Variants in RNF17 observed in about 807,000 individuals in gnomAD.
RNF17 encodes the protein spermatogenesis associated 23.
A neutral mutation model predicts 200.5 loss-of-function variants in RNF17; 31 were observed. The observed-to-expected ratio is 0.15, with a 90% CI of 0.12 to 0.21. RNF17 has a LOEUF of 0.21. Ranked by LOEUF, RNF17 falls within the 10% of genes least tolerant of loss-of-function variation. The pLI, the probability that RNF17 is intolerant of heterozygous loss-of-function variation, is 1.00. For synonymous variants in RNF17, 606 were observed against 637.8 expected (o/e 0.95, Z 0.75); for missense variants, 1,628 against 1,905.1 (o/e 0.85, Z 2.71).
chr13:24,764,732 A>C (rs911793457), intron 1 of RNF17, among the ~76,000 whole-genome samples: 18 of 152,366 alleles, frequency 1.2e-4, no homozygotes, highest in African/African-American at 4.3e-4. Context: ...TTGTAGGAGT[A>C]ACAAGTAGAC....
At chr13:24,869,150 A>T (rs1175182286) in intron 31 of RNF17, among the ~76,000 whole-genome samples, 2 of 152,202 alleles carry the variant, frequency 1.3e-5, no homozygotes, top group Admixed American at 1.3e-4. Context: ...CAGAACCTAG[A>T]ATAGTGCCTG....
At chr13:24,815,418 G>A (rs2137870434) in intron 15 of RNF17, among the ~76,000 whole-genome samples, 1 of 147,572 alleles carries the variant, frequency 6.8e-6, no homozygotes, top group African/African-American at 2.5e-5. Context: ...TAATTTGGTA[G>A]CCCTAACGGG....
chr13:24,790,124 A>T (rs1360955719), intron 9 of RNF17, among the ~76,000 whole-genome samples: 1 of 152,184 alleles, frequency 6.6e-6, no homozygotes, highest in Non-Finnish European at 1.5e-5. Flanking sequence ...TGTATGCAGA[A>T]TTTACTTGAG....
In RNF17 at chr13:24,844,959, A is replaced by C; in HGVS notation, c.2983-2A>C. On this transcript the variant is annotated splice_acceptor_variant, in intron 21 of 35. Coordinates refer to ENST00000255324, the MANE Select transcript of RNF17 (RefSeq NM_031277.3). LOFTEE classifies it high-confidence loss of function. ...GTAGACTTAAAGTTATTATTTTCTT[A>C]GGTCTTGCTGTATGATGTGGGTGTT... The C allele has an allele frequency of 6.3e-7, 1 of 1,586,972 alleles. No homozygotes were observed. Among genetic ancestry groups the C allele is most frequent in the Non-Finnish European group, 8.6e-7 (1 of 1,158,106 alleles).
chr13:24,758,291 CA>C, the RNF17 span, among the ~76,000 whole-genome samples: 10 of 152,106 alleles, frequency 6.6e-5, no homozygotes, highest in Non-Finnish European at 1.3e-4. Context: ...GGTCTCTGAC[CA>C]CCCACCTCAA....
intron 5 of RNF17, 151 bp downstream of exon 5, chr13:24,779,898 C>A: frequency 1.8e-6 from 1 of 543,074 alleles, no homozygotes; most frequent in Non-Finnish European, 3.1e-6. Context: ...TTTCCCATAG[C>A]CTGCCAAGAT....
intron 15 of RNF17, among the ~76,000 whole-genome samples, chr13:24,815,425 C>CGG (rs1212535904): frequency 3.2e-4 from 42 of 131,548 alleles, no homozygotes; most frequent in Admixed American, 2.2e-3. Context: ...GTAGCCCTAA[C>CGG]GGGGTGTGTG....
At chr13:24,772,551 C>A (rs1015324884) in intron 2 of RNF17, among the ~76,000 whole-genome samples, 1 of 150,682 alleles carries the variant, frequency 6.6e-6, no homozygotes, top group Non-Finnish European at 1.5e-5. Flanking sequence ...CTTCAATCAG[C>A]AGGAAAAGAA....
At chr13:24,778,749 A>C (rs1881935424) in intron 4 of RNF17, among the ~76,000 whole-genome samples, 1 of 152,200 alleles carries the variant, frequency 6.6e-6, no homozygotes. Context: ...TTTAATGGCA[A>C]CCAAAAGGCC....
intron 24 of RNF17, among the ~76,000 whole-genome samples, chr13:24,852,320 A>G (rs930905892): frequency 6.6e-6 from 1 of 151,928 alleles, no homozygotes; most frequent in African/African-American, 2.4e-5. Flanking sequence ...TTGTATTTTT[A>G]GTAGAGACGG....
chr13:24,888,293 T>C, the RNF17 span, among the ~76,000 whole-genome samples: 2 of 150,854 alleles, frequency 1.3e-5, no homozygotes, highest in Non-Finnish European at 3.0e-5. Context: ...CAAACCCAGA[T>C]TGGGAGAAAA....
chr13:24,840,752 G>T (rs1259979995), intron 18 of RNF17, among the ~76,000 whole-genome samples: 1 of 150,644 alleles, frequency 6.6e-6, no homozygotes, highest in Non-Finnish European at 1.5e-5. Context: ...GTAGGAGGGG[G>T]GCGAAGGATA....
chr13:24,752,433 A>G, the RNF17 span, among the ~76,000 whole-genome samples: 2 of 152,248 alleles, frequency 1.3e-5, no homozygotes, highest in Admixed American at 6.5e-5. Flanking sequence ...TCGCAGCCAC[A>G]TGGAGAAACC....
intron 15 of RNF17, among the ~76,000 whole-genome samples, chr13:24,818,066 G>A (rs956209862): frequency 2.0e-5 from 3 of 152,044 alleles, no homozygotes; most frequent in African/African-American, 7.2e-5. Context: ...TGCATCTCAT[G>A]AGTTTGGTAT....
intron 3 of RNF17, among the ~76,000 whole-genome samples, chr13:24,775,276 T>C (rs1456469037): frequency 1.3e-5 from 2 of 152,160 alleles, no homozygotes; most frequent in African/African-American, 4.8e-5. Flanking sequence ...AAAGACAGGG[T>C]CTCACTCTGT....
chr13:24,877,032 C>T lies in RNF17; in HGVS notation c.4619C>T (p.Pro1540Leu). ...ATTCCTTCTCATCTTATGCGGTATC[C>T]AGCTCGAGCCATAAAGGTTCTCTTG... ...CQIPSHLMRY[P>L]ARAIKVLLAG... is the part of the protein sequence containing the mutation. The change falls in exon 34 of 36, where the codon CCA becomes CTA. Residue 1540 changes from proline (P) to leucine (L), a missense_variant. Physicochemically the swap from Pro to Leu is moderately conservative, Grantham distance 98. Coordinates refer to ENST00000255324, the MANE Select transcript of RNF17 (RefSeq NM_031277.3). The T allele has an allele frequency of 6.2e-7, 1 of 1,609,742 alleles. No homozygotes were observed. The highest frequency in any genetic ancestry group is 8.5e-7 in the Non-Finnish European group (1 of 1,178,884).
At chr13:24,785,730 T>G (rs1883019666) in intron 6 of RNF17, among the ~76,000 whole-genome samples, 1 of 152,218 alleles carries the variant, frequency 6.6e-6, no homozygotes, top group Non-Finnish European at 1.5e-5. Flanking sequence ...TGTCTATTTT[T>G]CCCTTTAATT....
At chr13:24,823,950 C>T (rs1041211454) in intron 15 of RNF17, among the ~76,000 whole-genome samples, 2 of 152,208 alleles carry the variant, frequency 1.3e-5, no homozygotes, top group African/African-American at 4.8e-5. Context: ...ATCAGTCTTG[C>T]AGGTATCTCC....
chr13:24,822,956 A>G (rs1888240881), intron 15 of RNF17, among the ~76,000 whole-genome samples: 1 of 152,190 alleles, frequency 6.6e-6, no homozygotes, highest in African/African-American at 2.4e-5. Context: ...ATACTTTCGT[A>G]TGTTTTCATG....
Sources: allele counts gnomAD v4.1 joint callset (sites outside exome capture counted in the v4.1 genomes callset), GRCh38; gene constraint gnomAD v4.1.1; transcripts MANE v1.5; gene names NCBI Gene and HGNC (gene_info 2026-07-23, HGNC 2026-07-21).